Variants in ANO4 observed in about 807,000 individuals in gnomAD.
ANO4 encodes anoctamin 4, also known as anoctamin-4.
A neutral mutation model predicts 141.9 loss-of-function variants in ANO4; 69 were observed. That is an observed-to-expected ratio of 0.49 (90% CI 0.40 to 0.59). ANO4 has a LOEUF of 0.59. Ranked by LOEUF, ANO4 falls within the 20% of genes least tolerant of loss-of-function variation. The pLI, the probability that ANO4 is intolerant of heterozygous loss-of-function variation, is 0.00. For missense variants in ANO4, 894 were observed against 1,162.2 expected (o/e 0.77, Z 3.36); for synonymous variants, 350 against 394.3 (o/e 0.89, Z 1.33).
At chr12:100,843,910 G>A (rs1375024115) in intron 1 of ANO4, among the ~76,000 whole-genome samples, 1 of 152,156 alleles carries the variant, frequency 6.6e-6, no homozygotes, top group African/African-American at 2.4e-5. Flanking sequence ...GATAGAAGCT[G>A]AGCTAAAAAT....
At chr12:101,028,489 C>T (rs1180890353) in intron 9 of ANO4, among the ~76,000 whole-genome samples, 8 of 151,918 alleles carry the variant, frequency 5.3e-5, no homozygotes, top group South Asian at 2.1e-4. Context: ...ATAAATGACC[C>T]GATGGAGCTG....
intron 1 of ANO4, among the ~76,000 whole-genome samples, chr12:100,876,454 A>T (rs977890662): frequency 1.3e-5 from 2 of 152,182 alleles, no homozygotes; most frequent in Admixed American, 6.5e-5. Context: ...AAATGGGATG[A>T]TAGCTGGAAG....
chr12:100,831,909 C>G (rs2135776270), intron 1 of ANO4, among the ~76,000 whole-genome samples: 1 of 152,024 alleles, frequency 6.6e-6, no homozygotes, highest in Admixed American at 6.6e-5. Flanking sequence ...TGAAGCATGC[C>G]ACTTGCATTT....
At chr12:101,019,974 A>C in intron 8 of ANO4, 60 bp from the exon 9 acceptor site, 1 of 1,413,614 alleles carries the variant, frequency 7.1e-7, no homozygotes, top group South Asian at 1.2e-5. Flanking sequence ...AATTATAACA[A>C]AAATTAGATC....
At chr12:100,788,818 A>C (rs2033952758) in intron 3 of ANO4, among the ~76,000 whole-genome samples, 1 of 152,136 alleles carries the variant, frequency 6.6e-6, no homozygotes, top group Non-Finnish European at 1.5e-5. Flanking sequence ...GATAGACATT[A>C]AACAAGCAAT....
intron 1 of ANO4, among the ~76,000 whole-genome samples, chr12:100,837,393 T>A (rs908416874): frequency 1.3e-5 from 2 of 152,196 alleles, no homozygotes; most frequent in Admixed American, 6.5e-5. Context: ...GGTTTAGGAC[T>A]TCAACAGTCT....
At chr12:100,956,668 T>C (rs886532444) in intron 5 of ANO4, among the ~76,000 whole-genome samples, 2 of 152,230 alleles carry the variant, frequency 1.3e-5, no homozygotes, top group Admixed American at 6.5e-5. Flanking sequence ...CTAATAAGAA[T>C]CTTCTGAAAT....
rs142253405 is a variant in ANO4 at position 101,115,474 on chromosome 12, A to G, written c.2451-1205A>G. Among the ~76,000 whole-genome samples the G allele has an allele frequency of 3.6e-4, 55 of 152,292 alleles. No individual in the cohort carries two copies. In the East Asian group the frequency reaches 9.1e-3, roughly 25 times the overall value. ...GTCTCAGAAAAAAAAAGAAGAAGTA[A>G]GAAGTTATATAACGTGCCAATATTA... On this transcript the variant is annotated intron_variant, in intron 24 of 27. Coordinates refer to ENST00000392977, the MANE Select transcript of ANO4 (RefSeq NM_001286615.2).
chr12:100,912,881 C>A (rs2041176182), intron 2 of ANO4, among the ~76,000 whole-genome samples: 2 of 152,184 alleles, frequency 1.3e-5, no homozygotes, highest in African/African-American at 4.8e-5. Context: ...TGGTGCCTTT[C>A]AGAACAGTTA....
At chr12:100,781,487 C>G (rs1288162938) in intron 3 of ANO4, among the ~76,000 whole-genome samples, 1 of 152,074 alleles carries the variant, frequency 6.6e-6, no homozygotes, top group Non-Finnish European at 1.5e-5. Flanking sequence ...CTTATAGTCC[C>G]CCTGCTTTGG....
chr12:100,881,534 A>G (rs2039570570), intron 1 of ANO4, among the ~76,000 whole-genome samples: 1 of 151,886 alleles, frequency 6.6e-6, no homozygotes, highest in African/African-American at 2.4e-5. Context: ...AGGTTTTTCC[A>G]TTAAGCCTTA....
chr12:100,998,446 C>A (rs548317881), intron 8 of ANO4, among the ~76,000 whole-genome samples: 2 of 151,646 alleles, frequency 1.3e-5, no homozygotes, highest in Admixed American at 1.3e-4. Flanking sequence ...TCTAGAGAAC[C>A]CTGACTAATA....
chr12:101,064,663 T>TAATA (rs1566196498), intron 14 of ANO4, among the ~76,000 whole-genome samples: 6,053 of 130,042 alleles, frequency 0.047, 242 homozygotes, highest in African/African-American at 0.1. Context: ...CTTAAAGTAT[T>TAATA]ATAATAATAA....
At chr12:101,002,386 C>T (rs2045685405) in intron 8 of ANO4, among the ~76,000 whole-genome samples, 1 of 152,240 alleles carries the variant, frequency 6.6e-6, no homozygotes, top group Admixed American at 6.5e-5. Flanking sequence ...CGTGTAGTAA[C>T]ATTGCTTCCT....
Position 100,927,289 on chromosome 12 carries a change from C to T in ANO4, c.160+4959C>T, listed in dbSNP as rs551865202. On this transcript the variant is annotated intron_variant, in intron 3 of 27. Coordinates refer to ENST00000392977, the MANE Select transcript of ANO4 (RefSeq NM_001286615.2). ...ACGAAGCCGGTGGAATGGGAACTTGCAGATAGATTTAGTTTGATGCAATGA... is the reference window on the plus strand; with the variant it reads ...ACGAAGCCGGTGGAATGGGAACTTGTAGATAGATTTAGTTTGATGCAATGA... Among the ~76,000 whole-genome samples, 101 of 152,152 alleles carry T rather than the reference C, an allele frequency of 6.6e-4. 1 individual carries two copies. Among genetic ancestry groups the T allele is most frequent in the Middle Eastern group, 6.8e-3 (2 of 294 alleles).
At chr12:100,866,138 G>A (rs1715268104) in intron 1 of ANO4, among the ~76,000 whole-genome samples, 1 of 152,168 alleles carries the variant, frequency 6.6e-6, no homozygotes, top group South Asian at 2.1e-4. Flanking sequence ...ATGTTATCCA[G>A]AAGAGTCCAT....
rs7294737 is a variant in ANO4, at chr12:100,718,782, G to T, written c.22+1235G>T. Among the ~76,000 whole-genome samples the T allele has an allele frequency of 1.6e-3, 242 of 152,256 alleles. 2 individuals are homozygous for T. Among genetic ancestry groups the T allele is most frequent in the African/African-American group, 5.5e-3 (229 of 41,550 alleles). On this transcript the variant is annotated intron_variant, in intron 1 of 29. Coordinates refer to the ANO4 transcript ENST00000644049. ...GGATTTAAGTTGTTCTTACCTGCAC[G>T]CACATTTAACACTCAACATTGTGGT...
intron 1 of ANO4, 102 bp downstream of exon 1, chr12:100,795,129 C>T (rs185983500): frequency 6.5e-6 from 1 of 152,834 alleles, no homozygotes; most frequent in African/African-American, 2.4e-5. Flanking sequence ...TCTGCATTTC[C>T]TCTGTTTTCA....
At chr12:100,768,845 G>A (rs932560014) in intron 3 of ANO4, among the ~76,000 whole-genome samples, 2 of 152,180 alleles carry the variant, frequency 1.3e-5, no homozygotes, top group Non-Finnish European at 2.9e-5. Flanking sequence ...CTTTCAGGGA[G>A]TGTGGGTGTA....
Sources: allele counts gnomAD v4.1 joint callset (sites outside exome capture counted in the v4.1 genomes callset), GRCh38; gene constraint gnomAD v4.1.1; transcripts MANE v1.5; gene names NCBI Gene and HGNC (gene_info 2026-07-23, HGNC 2026-07-21).